The following IWS1 variants were observed in gnomAD, a reference collection of about 807,000 sequenced individuals.
The protein encoded by IWS1 is protein IWS1 homolog.
IWS1 carries 27 observed loss-of-function variants against 86.7 expected under a neutral mutation model. The ratio of observed to expected loss-of-function variants is 0.31; its 90% CI spans 0.23 to 0.43. IWS1 has a LOEUF of 0.43. IWS1 is among the 20% of genes least tolerant of loss of function. The pLI is 1.00. For missense variants in IWS1, 827 were observed against 1,000.8 expected (o/e 0.83, Z 2.34); for synonymous variants, 313 against 335.1 (o/e 0.93, Z 0.72).
At chr2:127,510,169 C>T (rs752200518) in intron 2 of IWS1, among the ~76,000 whole-genome samples, 69 of 152,254 alleles carry the variant, frequency 4.5e-4, no homozygotes, top group Middle Eastern at 6.8e-3. Context: ...ACATGTTTCA[C>T]GGGACCTTAG....
At position 127,499,995 on chromosome 2, in the gene IWS1, G is replaced by T. The variant is rs1690717810; in HGVS notation, c.1468-1758C>A. Among the ~76,000 whole-genome samples the T allele has an allele frequency of 2.0e-5, 3 of 152,146 alleles. No homozygotes were observed. The highest frequency in any genetic ancestry group is 6.5e-5 in the Admixed American group (1 of 15,278). On this transcript the variant is annotated intron_variant, in intron 5 of 13. Coordinates refer to ENST00000295321, the MANE Select transcript of IWS1 (RefSeq NM_017969.3). The surrounding 1 kb of genome is among the most constrained non-coding windows in gnomAD (Gnocchi z 4.0). Reference sequence around the variant, plus strand: ...GTGAATTATACAATTAAATGTGAAAGACTGAATAATCAAGCTTCTAGAAGA... The same window carrying T: ...GTGAATTATACAATTAAATGTGAAATACTGAATAATCAAGCTTCTAGAAGA...
At position 127,526,393 on chromosome 2, in the gene IWS1, C is replaced by G. The variant is rs1362165925; in HGVS notation, c.-185G>C. On this transcript the variant is annotated 5_prime_UTR_variant, in exon 1 of 14. Transcript: ENST00000295321. ...GGCGAATTCTTTGACCTGGAAGCCC[C>G]GGCGGAAAAGGCCGTACCCGGCAGG... 2 of 1,535,964 alleles carry G rather than the reference C, an allele frequency of 1.3e-6. No individual in the cohort carries two copies. Among genetic ancestry groups the G allele is most frequent in the Admixed American group, 2.0e-5 (1 of 50,968 alleles).
chr2:127,508,383 T>C (rs12475389), intron 2 of IWS1, among the ~76,000 whole-genome samples: 77,030 of 152,012 alleles, frequency 0.51, 21,358 homozygotes, highest in Admixed American at 0.66. Context: ...ACAGGCATGT[T>C]TGCATGCAGT....
chr2:127,526,073 G>A (rs1558777121), intron 1 of IWS1, 102 bp downstream of exon 1: 2 of 1,169,830 alleles, frequency 1.7e-6, no homozygotes, highest in Non-Finnish European at 2.4e-6. Context: ...CGGGAGGGAA[G>A]GTTTCGGGGG....
intron 2 of IWS1, among the ~76,000 whole-genome samples, chr2:127,515,997 G>T (rs919897092): frequency 5.9e-5 from 9 of 152,124 alleles, no homozygotes; most frequent in Admixed American, 5.9e-4. Context: ...CTTAAAGAAG[G>T]CTCTACCTTG....
chr2:127,495,878 T>C (rs1267865428), intron 7 of IWS1, 120 bp downstream of exon 7: 1 of 883,418 alleles, frequency 1.1e-6, no homozygotes, highest in Admixed American at 2.9e-5. Context: ...GAACAGTAAA[T>C]GCTTTATTAC....
Position 127,489,691 on chromosome 2 carries a change from G to T in IWS1, c.2159+141C>A. 1.5e-6 allele frequency: 1 copy of T among 664,640 alleles called. No individual in the cohort carries two copies. The allele number at this position is 664,640 out of a possible 1,614,324, so 41.2% of individuals were successfully genotyped here. A position where few individuals can be genotyped will look rare whatever the true frequency, so the allele number is the denominator to read the frequency against. ...TACACTATCACATTTAAACTAAAAG[G>T]ATATTATGAATTATGTACACATATC... On this transcript the variant is annotated intron_variant, in intron 11 of 13. Coordinates refer to ENST00000295321, the MANE Select transcript of IWS1 (RefSeq NM_017969.3). This position sits in a 1 kb window ranked among gnomAD's most constrained non-coding sequence, Gnocchi z 4.8.
At chr2:127,511,700 C>T (rs767273154) in intron 2 of IWS1, among the ~76,000 whole-genome samples, 1 of 152,140 alleles carries the variant, frequency 6.6e-6, no homozygotes, top group Non-Finnish European at 1.5e-5. Context: ...AATACACTCA[C>T]TAAAATGAAG....
rs1434684704 is a variant in IWS1, at chr2:127,526,425, G to A, written c.-217C>T. The A allele has an allele frequency of 9.1e-6, 14 of 1,536,062 alleles. No individual in the cohort carries two copies. The South Asian group carries it at 1.2e-4, about 13-fold the overall frequency. ...AAAGGCCGTACCCGGCAGGCTGGCG[G>A]GCGGGCAGGCATGCGAGCCGGCGTT... On this transcript the variant is annotated 5_prime_UTR_variant, in exon 1 of 14. Coordinates refer to ENST00000295321, the MANE Select transcript of IWS1 (RefSeq NM_017969.3).
Position 127,526,409 on chromosome 2 carries a change from A to G in IWS1, c.-201T>C. 1 of 1,536,234 alleles carries G rather than the reference A, an allele frequency of 6.5e-7. No individual in the cohort carries two copies. The highest frequency in any genetic ancestry group is 8.7e-7 in the Non-Finnish European group (1 of 1,145,548). ...TGGAAGCCCCGGCGGAAAAGGCCGTACCCGGCAGGCTGGCGGGCGGGCAGG... is the reference window on the plus strand; with the variant it reads ...TGGAAGCCCCGGCGGAAAAGGCCGTGCCCGGCAGGCTGGCGGGCGGGCAGG... On this transcript the variant is annotated 5_prime_UTR_variant, in exon 1 of 14. Transcript: ENST00000295321.
In IWS1 at chr2:127,523,661, T is replaced by A. The variant is rs980281896; in HGVS notation, c.150+15A>T. On this transcript the variant is annotated intron_variant, in intron 2 of 13. Transcript: ENST00000295321. ...CAAGGGAAAAGCCCTCCCAAAGATG[T>A]TGGTTAGCCAATACCTCTGAATGAC... The A allele has an allele frequency of 6.5e-7, 1 of 1,547,678 alleles. No homozygotes were observed. Among genetic ancestry groups the A allele is most frequent in the Non-Finnish European group, 8.9e-7 (1 of 1,123,692 alleles).
At chr2:127,481,448 G>A (rs1284683531) in intron 13 of IWS1, among the ~76,000 whole-genome samples, 1 of 151,858 alleles carries the variant, frequency 6.6e-6, no homozygotes, top group Non-Finnish European at 1.5e-5. Flanking sequence ...AGAAAGGGGG[G>A]GGGAAACTGA....
rs1164872046 is a variant in IWS1 at position 127,481,080 on chromosome 2, C to T, written c.2424G>A (p.Val808=). The stretch of plus-strand genomic sequence containing the variant: ...TTTTGTTGCCCTCAATGCTGATTTT[C>T]ACTGCGTGTGCAGATCTGCTTTTTT... The part of the protein sequence containing the change: ...IRKKSRSAHA[V]KISIEGNKMP... The change falls in exon 14 of 14, where the codon GTG becomes GTA. Residue 808 remains valine (V), a synonymous_variant. Transcript: ENST00000295321. 1.9e-6 allele frequency: 3 copies of T among 1,612,226 alleles called. No individual in the cohort carries two copies. Among genetic ancestry groups the T allele is most frequent in the East Asian group, 4.5e-5 (2 of 44,760 alleles).
chr2:127,526,720 C>A, upstream of IWS1: 2 of 1,295,870 alleles, frequency 1.5e-6, no homozygotes, highest in African/African-American at 3.0e-5. Flanking sequence ...TGTGTCCGTG[C>A]CTTGTTTGAA....
upstream of IWS1, chr2:127,526,811 C>G: frequency 8.1e-6 from 6 of 738,666 alleles, 1 homozygote; most frequent in Non-Finnish European, 1.0e-5. Flanking sequence ...CTGTCTTTCC[C>G]GTCAGGCCCA....
chr2:127,491,941 C>T, intron 10 of IWS1, 30 bp downstream of exon 10: 1 of 1,342,688 alleles, frequency 7.4e-7, no homozygotes, highest in Non-Finnish European at 1.1e-6. Flanking sequence ...TACACATAAA[C>T]ACAACAAACA....
chr2:127,526,283 C>A lies in IWS1; in HGVS notation c.-75G>T. On this transcript the variant is annotated 5_prime_UTR_variant, in exon 1 of 14. Transcript: ENST00000295321. ...CACCTCCTTCCAGGCGGTGTGACCCCGGATGGCGCGGCTAAGTGTTCAGAG... is the reference window on the plus strand; with the variant it reads ...CACCTCCTTCCAGGCGGTGTGACCCAGGATGGCGCGGCTAAGTGTTCAGAG... 1.3e-6 allele frequency: 2 copies of A among 1,544,958 alleles called. No homozygotes were observed. Among genetic ancestry groups the A allele is most frequent in the South Asian group, 1.2e-5 (1 of 84,074 alleles).
intron 2 of IWS1, among the ~76,000 whole-genome samples, chr2:127,516,344 G>A (rs1041208451): frequency 6.6e-6 from 1 of 151,708 alleles, no homozygotes; most frequent in East Asian, 1.9e-4. Flanking sequence ...TCCGCACCCC[G>A]CCCCCGCAAT....
chr2:127,516,776 C>T (rs1045852556), intron 2 of IWS1, among the ~76,000 whole-genome samples: 4 of 152,120 alleles, frequency 2.6e-5, no homozygotes, highest in Admixed American at 1.3e-4. Flanking sequence ...CCAACCTAGG[C>T]AACAGAAGAG....
Sources: allele counts gnomAD v4.1 joint callset (sites outside exome capture counted in the v4.1 genomes callset), GRCh38; gene constraint gnomAD v4.1.1; non-coding constraint Gnocchi (gnomAD v3.1); transcripts MANE v1.5; gene names NCBI Gene and HGNC (gene_info 2026-07-23, HGNC 2026-07-21).